Variants in PTPRD observed in about 807,000 individuals in gnomAD.
The protein encoded by PTPRD is protein tyrosine phosphatase receptor type D.
In PTPRD, 34 loss-of-function variants were observed where a neutral mutation model predicts 214.5. That is an observed-to-expected ratio of 0.16 (90% CI 0.12 to 0.21). The LOEUF is 0.21. PTPRD is among the 10% of genes least tolerant of loss of function. The probability of loss-of-function intolerance (pLI) is 1.00; values close to 1 mark genes in which losing one functional copy is unlikely to be tolerated. For synonymous variants in PTPRD, 1,128 were observed against 845.7 expected (o/e 1.33, Z -5.79); for missense variants, 2,545 against 2,398.7 (o/e 1.06, Z -1.27).
intron 8 of PTPRD, among the ~76,000 whole-genome samples, chr9:9,420,073 T>C (rs2078224936): frequency 6.8e-6 from 1 of 147,434 alleles, no homozygotes; most frequent in African/African-American, 2.5e-5. Context: ...AAACTGATCT[T>C]TTAAAATGCA....
intron 5 of PTPRD, among the ~76,000 whole-genome samples, chr9:9,827,886 A>G (rs150207801): frequency 9.7e-4 from 148 of 152,344 alleles, no homozygotes; most frequent in Non-Finnish European, 1.7e-3. Flanking sequence ...TTATGCAGCC[A>G]AAAGACACAT....
chr9:8,923,005 T>G (rs759288657), intron 11 of PTPRD, among the ~76,000 whole-genome samples: 1 of 147,312 alleles, frequency 6.8e-6, no homozygotes, highest in Non-Finnish European at 1.5e-5. Context: ...TCTTTTTCTC[T>G]TCTTCCTTTG....
chr9:8,902,638 C>A (rs1281185676), intron 11 of PTPRD, among the ~76,000 whole-genome samples: 1 of 151,956 alleles, frequency 6.6e-6, no homozygotes, highest in Non-Finnish European at 1.5e-5. Flanking sequence ...AGCCACCACG[C>A]CCAGCCTGGA....
intron 5 of PTPRD, 120 bp from the exon 6 acceptor site, chr9:9,766,971 G>A (rs543887257): frequency 1.5e-4 from 22 of 151,144 alleles, no homozygotes; most frequent in African/African-American, 4.6e-4. Flanking sequence ...CTCATATTGT[G>A]TATCTTCCCA....
At chr9:10,431,701 G>C (rs1018926798) in intron 2 of PTPRD, among the ~76,000 whole-genome samples, 4 of 152,050 alleles carry the variant, frequency 2.6e-5, no homozygotes, top group African/African-American at 9.7e-5. Flanking sequence ...GTCATCACTG[G>C]CCATCAGAGA....
intron 14 of PTPRD, among the ~76,000 whole-genome samples, chr9:8,627,877 T>C (rs955976707): frequency 6.6e-6 from 1 of 151,918 alleles, no homozygotes; most frequent in Admixed American, 6.6e-5. Flanking sequence ...CAGGAGCGTC[T>C]GTTCACTTAA....
rs192009901 is a variant in PTPRD, at chr9:9,529,877, A to C, written c.-237+44855T>G. Among the ~76,000 whole-genome samples the C allele has an allele frequency of 1.0e-3, 153 of 151,886 alleles. 3 individuals are homozygous for C. Among genetic ancestry groups the C allele is most frequent in the African/African-American group, 3.6e-3 (148 of 41,486 alleles). On this transcript the variant is annotated intron_variant, in intron 8 of 45. Transcript: ENST00000381196. ...ATATATTTAAATATATTTACACTCT[A>C]TATAAATACATTTACACAAAATATT...
rs368857971 is a variant in PTPRD, at chr9:8,500,383, T to C, written c.2128+371A>G. 2.3e-4 allele frequency among the ~76,000 whole-genome samples: 34 copies of C among 147,668 alleles called. No homozygotes were observed. In the East Asian group the frequency reaches 6.0e-3, roughly 26 times the overall value. On this transcript the variant is annotated intron_variant, in intron 24 of 45. Transcript: ENST00000381196. Reference sequence around the variant, plus strand: ...GTAAGACAAAAAGGCAACAAAAAGGTAAGAAGGTAGTTTTGAAAAGTTAAC... The same window carrying C: ...GTAAGACAAAAAGGCAACAAAAAGGCAAGAAGGTAGTTTTGAAAAGTTAAC...
At chr9:10,038,641 G>C (rs1442763213) in intron 3 of PTPRD, among the ~76,000 whole-genome samples, 1 of 152,060 alleles carries the variant, frequency 6.6e-6, no homozygotes, top group Non-Finnish European at 1.5e-5. Context: ...ATAATTATTA[G>C]AGTTGGGACC....
At chr9:10,075,525 AT>A (rs1395233977) in intron 3 of PTPRD, among the ~76,000 whole-genome samples, 1 of 151,874 alleles carries the variant, frequency 6.6e-6, no homozygotes, top group Non-Finnish European at 1.5e-5. Context: ...TTAATCCATC[AT>A]GTATTTATTG....
chr9:9,324,740 G>A (rs1433451917), intron 9 of PTPRD, among the ~76,000 whole-genome samples: 1 of 151,952 alleles, frequency 6.6e-6, no homozygotes, highest in African/African-American at 2.4e-5. Context: ...CATTGCTTTT[G>A]GTGTTTCAGT....
chr9:8,329,248 T>G (rs1018766516), intron 44 of PTPRD, among the ~76,000 whole-genome samples: 1 of 152,140 alleles, frequency 6.6e-6, no homozygotes. Flanking sequence ...GTCTGTCTGT[T>G]TGTTATTTTC....
chr9:9,170,999 C>T (rs547057012), intron 10 of PTPRD, among the ~76,000 whole-genome samples: 57 of 152,238 alleles, frequency 3.7e-4, no homozygotes, highest in African/African-American at 1.2e-3. Flanking sequence ...ACATCATAGG[C>T]CCAGCTGTCC....
intron 8 of PTPRD, among the ~76,000 whole-genome samples, chr9:9,570,803 G>A (rs1343560461): frequency 1.3e-5 from 2 of 151,378 alleles, no homozygotes; most frequent in Non-Finnish European, 3.0e-5. Flanking sequence ...GAAAAAAACA[G>A]GCAACCAAAA....
chr9:8,326,153 T>C (rs1480905186), intron 44 of PTPRD, among the ~76,000 whole-genome samples: 1 of 152,226 alleles, frequency 6.6e-6, no homozygotes, highest in Non-Finnish European at 1.5e-5. Flanking sequence ...GTGCTACTTT[T>C]CAAAGGGAGT....
intron 3 of PTPRD, among the ~76,000 whole-genome samples, chr9:10,203,499 G>T (rs1564503663): frequency 6.6e-6 from 1 of 152,012 alleles, no homozygotes; most frequent in Non-Finnish European, 1.5e-5. Context: ...AATGTTGAGG[G>T]TAAGGCATCT....
intron 43 of PTPRD, 94 bp downstream of exon 43, chr9:8,338,828 A>C: frequency 9.7e-7 from 1 of 1,027,178 alleles, no homozygotes; most frequent in Non-Finnish European, 1.3e-6. Context: ...GACAACAGTC[A>C]AGTGGCAAGT....
intron 2 of PTPRD, among the ~76,000 whole-genome samples, chr9:10,491,579 G>C (rs962234685): frequency 8.6e-5 from 13 of 151,414 alleles, no homozygotes; most frequent in Non-Finnish European, 1.9e-4. Flanking sequence ...GGCCAAATGA[G>C]CAAAAATATT....
At chr9:8,923,631 T>A (rs2098843704) in intron 11 of PTPRD, among the ~76,000 whole-genome samples, 1 of 152,172 alleles carries the variant, frequency 6.6e-6, no homozygotes, top group South Asian at 2.1e-4. Context: ...CAAAAAAAAG[T>A]TACTCAGAGC....
Sources: gnomAD v4.1 joint callset for allele counts (sites outside exome capture counted in the v4.1 genomes callset) on GRCh38, gnomAD v4.1.1 for gene constraint, MANE v1.5 for transcripts, NCBI Gene and HGNC (gene_info 2026-07-23, HGNC 2026-07-21) for gene names.